Variants in TBC1D9B observed in about 807,000 individuals in gnomAD.
TBC1D9B encodes TBC1 domain family member 9B, also known as TBC1 domain family, member 9B (with GRAM domain).
TBC1D9B carries 87 observed loss-of-function variants against 121.1 expected under a neutral mutation model. The ratio of observed to expected loss-of-function variants is 0.72; its 90% CI spans 0.60 to 0.86. The LOEUF (loss-of-function observed/expected upper bound fraction) is 0.86. Among genes scored for constraint, TBC1D9B ranks in the 40% least tolerant of loss-of-function variants. The probability of loss-of-function intolerance (pLI) is 0.00; values close to 1 mark genes in which losing one functional copy is unlikely to be tolerated. For synonymous variants in TBC1D9B, 668 were observed against 670.1 expected (o/e 1.00, Z 0.05); for missense variants, 1,540 against 1,628.6 (o/e 0.95, Z 0.94).
intron 14 of TBC1D9B, 23 bp downstream of exon 14, chr5:179,872,868 GC>G (rs1582079533): frequency 9.4e-7 from 1 of 1,060,198 alleles, no homozygotes; most frequent in Non-Finnish European, 1.3e-6. Context: ...CCCAGCCCCT[GC>G]CCAGCCCTGC....
In TBC1D9B at chr5:179,902,566, C is replaced by T. The variant is rs1420090569; in HGVS notation, c.229+2136G>A. Reference sequence around the variant, plus strand: ...CAAGTGTGTGGCACGGGGCTACGTACATGGGCTCCGCTGCGTGGCTGTGGC... The same window carrying T: ...CAAGTGTGTGGCACGGGGCTACGTATATGGGCTCCGCTGCGTGGCTGTGGC... On this transcript the variant is annotated intron_variant, in intron 2 of 20. Transcript: ENST00000355235. The surrounding 1 kb of genome is among the most constrained non-coding windows in gnomAD (Gnocchi z 4.9). Among the ~76,000 whole-genome samples, 2 of 152,180 alleles carry T rather than the reference C, an allele frequency of 1.3e-5. No homozygotes were observed. The highest frequency in any genetic ancestry group is 4.8e-5 in the African/African-American group (2 of 41,432).
chr5:179,894,603 T>C lies in TBC1D9B; in HGVS notation c.360A>G (p.Ala120=), dbSNP rs1328224225. 4 of 1,614,178 alleles carry C rather than the reference T, an allele frequency of 2.5e-6. No homozygotes were observed. Among genetic ancestry groups the C allele is most frequent in the Non-Finnish European group, 3.4e-6 (4 of 1,180,014 alleles). ...GGGGCTGCAGGTTCTTGTTCTCTTC[T>C]GCGATGATTCCCTGGAGGAAGGCAA... ...FVKGKIHGII[A]EENKNLQPQG... The change falls in exon 4 of 21, where the codon GCA becomes GCG. Residue 120 remains alanine (A), a synonymous_variant. Coordinates refer to ENST00000355235, the MANE Select transcript of TBC1D9B (RefSeq NM_015043.4).
Position 179,865,995 on chromosome 5 carries a change from A to G in TBC1D9B, c.2864-107T>C. On this transcript the variant is annotated intron_variant, in intron 18 of 20. Coordinates refer to ENST00000355235, the MANE Select transcript of TBC1D9B (RefSeq NM_015043.4). This position sits in a 1 kb window ranked among gnomAD's most constrained non-coding sequence, Gnocchi z 5.1. ...TCTGTGTTTCTGTACAGCCAGCCCC[A>G]GGCCAGGCCCTGGGGAGCAGGTCTC... The G allele has an allele frequency of 1.4e-6, 2 of 1,413,802 alleles. No homozygotes were observed. Among genetic ancestry groups the G allele is most frequent in the Non-Finnish European group, 2.0e-6 (2 of 1,008,432 alleles). The allele number at this position is 1,413,802 out of a possible 1,614,324, so 87.6% of individuals were successfully genotyped here. A position where few individuals can be genotyped will look rare whatever the true frequency, so the allele number is the denominator to read the frequency against.
In TBC1D9B at chr5:179,878,295, G is replaced by A. The variant is rs370418773; in HGVS notation, c.1782+14C>T. 2.5e-6 allele frequency: 4 copies of A among 1,605,744 alleles called. No individual in the cohort carries two copies. The highest frequency in any genetic ancestry group is 1.1e-5 in the South Asian group (1 of 89,694). On this transcript the variant is annotated intron_variant, in intron 10 of 20. Coordinates refer to ENST00000355235, the MANE Select transcript of TBC1D9B (RefSeq NM_015043.4). The stretch of plus-strand genomic sequence containing the variant: ...TGGCAGATGCTGTCTCTGGGCCCCT[G>A]TCAGGCCCCTTACCTGGCAGTAGCC...
chr5:179,877,508 C>T (rs1201431752), intron 10 of TBC1D9B, among the ~76,000 whole-genome samples: 2 of 151,594 alleles, frequency 1.3e-5, no homozygotes, highest in African/African-American at 4.8e-5. Flanking sequence ...ACTAAAAATA[C>T]AAAACATTAA....
chr5:179,873,711 A>C (rs1760270988), intron 12 of TBC1D9B, among the ~76,000 whole-genome samples: 1 of 152,112 alleles, frequency 6.6e-6, no homozygotes, highest in African/African-American at 2.4e-5. Context: ...TTCTCTAGGG[A>C]CACAGTCCTG....
At chr5:179,873,045 C>T in intron 13 of TBC1D9B, 55 bp from the exon 14 acceptor site, 1 of 1,613,610 alleles carries the variant, frequency 6.2e-7, no homozygotes, top group Admixed American at 1.7e-5. Flanking sequence ...AGAGGGCCAC[C>T]ACCTGCCCAT....
In TBC1D9B at chr5:179,888,198, C is replaced by A; in HGVS notation, c.1159G>T (p.Val387Leu). 6.2e-7 allele frequency: 1 copy of A among 1,612,744 alleles called. No homozygotes were observed. The highest frequency in any genetic ancestry group is 8.5e-7 in the Non-Finnish European group (1 of 1,179,608). ...FANLKDRDFL[V>L]QRISDFLQKT... ...TGGAGGAAGTCAGAGATCCTCTGCA[C>A]CAAGAAATCACGGTCTTTCAGGTTG... Residue 387 changes from valine (V) to leucine (L), a missense_variant, in exon 7 of 21, where the codon GTG becomes TTG. Physicochemically the swap from Val to Leu is conservative, Grantham distance 32. Transcript: ENST00000355235.
At position 179,904,679 on chromosome 5, in the gene TBC1D9B, C is replaced by T. The variant is rs756448315; in HGVS notation, c.229+23G>A. 3.2e-6 allele frequency: 5 copies of T among 1,547,990 alleles called. No homozygotes were observed. Among genetic ancestry groups the T allele is most frequent in the Middle Eastern group, 2.0e-4 (1 of 4,886 alleles). On this transcript the variant is annotated intron_variant, in intron 2 of 20. Coordinates refer to ENST00000355235, the MANE Select transcript of TBC1D9B (RefSeq NM_015043.4). This position sits in a 1 kb window ranked among gnomAD's most constrained non-coding sequence, Gnocchi z 4.2. ...TTCCAGGGCAGGCCCTGCCCAGCAC[C>T]CCTCACCACTCAGGGCACCTACCAC...
At chr5:179,895,872 C>T (rs1246412971) in intron 3 of TBC1D9B, among the ~76,000 whole-genome samples, 2 of 152,160 alleles carry the variant, frequency 1.3e-5, no homozygotes, top group Non-Finnish European at 2.9e-5. Flanking sequence ...AAAATATGCC[C>T]TTTTGACATA....
At position 179,865,383 on chromosome 5, in the gene TBC1D9B, T is replaced by C; in HGVS notation, c.2915-23A>G. 6.2e-7 allele frequency: 1 copy of C among 1,608,812 alleles called. No individual in the cohort carries two copies. Among genetic ancestry groups the C allele is most frequent in the Non-Finnish European group, 8.5e-7 (1 of 1,175,358 alleles). ...CCTCTGCAGGTTAGGAGGAAAGAGA[T>C]TAATCTTTGTCATGTGAGACGGCTG... is the stretch of plus-strand genomic sequence containing the variant. On this transcript the variant is annotated intron_variant, in intron 19 of 20. Coordinates refer to ENST00000355235, the MANE Select transcript of TBC1D9B (RefSeq NM_015043.4). This position sits in a 1 kb window ranked among gnomAD's most constrained non-coding sequence, Gnocchi z 5.1.
chr5:179,865,739 G>T lies in TBC1D9B; in HGVS notation c.2914+99C>A. On this transcript the variant is annotated intron_variant, in intron 19 of 20. Transcript: ENST00000355235. The surrounding 1 kb of genome is among the most constrained non-coding windows in gnomAD (Gnocchi z 5.1). ...CGGGGGACGCATCCGCCATCTCCCGGGGTAGGGGGCTCCCTGGCAGTGACT... is the reference window on the plus strand; with the variant it reads ...CGGGGGACGCATCCGCCATCTCCCGTGGTAGGGGGCTCCCTGGCAGTGACT... 1.5e-6 allele frequency: 2 copies of T among 1,365,088 alleles called. No individual in the cohort carries two copies. The highest frequency in any genetic ancestry group is 2.0e-6 in the Non-Finnish European group (2 of 992,448). The allele number at this position is 1,365,088 out of a possible 1,614,324, so 84.6% of individuals were successfully genotyped here. A position where few individuals can be genotyped will look rare whatever the true frequency, so the allele number is the denominator to read the frequency against.
In TBC1D9B at chr5:179,902,395, C is replaced by T. The variant is rs1234693960; in HGVS notation, c.229+2307G>A. ...CCCCCAGGTGTCCTCGAACACCAGGCTCAAGGGTCAGGACTCACTAAGCAG... is the reference window on the plus strand; with the variant it reads ...CCCCCAGGTGTCCTCGAACACCAGGTTCAAGGGTCAGGACTCACTAAGCAG... On this transcript the variant is annotated intron_variant, in intron 2 of 20. Coordinates refer to ENST00000355235, the MANE Select transcript of TBC1D9B (RefSeq NM_015043.4). The surrounding 1 kb of genome is among the most constrained non-coding windows in gnomAD (Gnocchi z 4.9). 6.6e-6 allele frequency among the ~76,000 whole-genome samples: 1 copy of T among 152,162 alleles called. No homozygotes were observed. The highest frequency in any genetic ancestry group is 6.5e-5 in the Admixed American group (1 of 15,280).
At position 179,865,415 on chromosome 5, in the gene TBC1D9B, G is replaced by C; in HGVS notation, c.2915-55C>G. The stretch of plus-strand genomic sequence containing the variant: ...TTGTCATGTGAGACGGCTGCGGGCT[G>C]ACAGCAGGGAGAGGAAGAGTTGGGT... On this transcript the variant is annotated intron_variant, in intron 19 of 20. Transcript: ENST00000355235. The surrounding 1 kb of genome is among the most constrained non-coding windows in gnomAD (Gnocchi z 5.1). 6.6e-7 allele frequency: 1 copy of C among 1,523,198 alleles called. No individual in the cohort carries two copies. Among genetic ancestry groups the C allele is most frequent in the South Asian group, 1.1e-5 (1 of 89,168 alleles). The allele number at this position is 1,523,198 out of a possible 1,614,324, so 94.4% of individuals were successfully genotyped here.
intron 10 of TBC1D9B, among the ~76,000 whole-genome samples, chr5:179,877,274 G>A (rs959518815): frequency 4.6e-5 from 7 of 151,512 alleles, no homozygotes; most frequent in African/African-American, 1.7e-4. Context: ...GCTGAGACCG[G>A]AAGATCCCCT....
In TBC1D9B at chr5:179,863,802, G is replaced by C. The variant is rs145381335; in HGVS notation, c.3348C>G (p.Gly1116=). 1.2e-4 allele frequency: 191 copies of C among 1,613,482 alleles called. No individual in the cohort carries two copies. The highest frequency in any genetic ancestry group is 1.4e-4 in the Non-Finnish European group (167 of 1,179,994). The change falls in exon 21 of 21, where the codon GGC becomes GGG. Residue 1116 remains glycine (G), a synonymous_variant. Coordinates refer to ENST00000355235, the MANE Select transcript of TBC1D9B (RefSeq NM_015043.4). This position sits in a 1 kb window ranked among gnomAD's most constrained non-coding sequence, Gnocchi z 4.5. ...GCTGGGAGGGTGAGCCCTGTCCCTC[G>C]CCGCTGCCCCCCTCCACCACCACCT... ...ESQVVVEGGS[G]EGQGSPSQLL...
intron 2 of TBC1D9B, among the ~76,000 whole-genome samples, chr5:179,900,719 G>A (rs1040803393): frequency 2.7e-4 from 41 of 152,044 alleles, no homozygotes; most frequent in Non-Finnish European, 4.7e-4. Context: ...TTGAGCTCAC[G>A]GCCAGCAGCA....
At chr5:179,867,696 G>A in intron 18 of TBC1D9B, 82 bp downstream of exon 18, 2 of 1,585,250 alleles carry the variant, frequency 1.3e-6, no homozygotes, top group African/African-American at 1.3e-5. Context: ...GGGACTGCTG[G>A]CCACTGCCCG....
Position 179,899,930 on chromosome 5 carries a change from A to T in TBC1D9B, c.230-623T>A, listed in dbSNP as rs560862201. Among the ~76,000 whole-genome samples the T allele has an allele frequency of 1.4e-3, 211 of 152,110 alleles. 2 individuals carry two copies. The highest frequency in any genetic ancestry group is 2.1e-3 in the South Asian group (10 of 4,814). On this transcript the variant is annotated intron_variant, in intron 2 of 20. Coordinates refer to ENST00000355235, the MANE Select transcript of TBC1D9B (RefSeq NM_015043.4). ...GTCCTCCATAGGCCCAACGGAAATT[A>T]AAAAAAATGTAGAGAAAATCTGGGC...
Sources: gnomAD v4.1 joint callset for allele counts (sites outside exome capture counted in the v4.1 genomes callset) on GRCh38, gnomAD v4.1.1 for gene constraint, Gnocchi (gnomAD v3.1) non-coding constraint, MANE v1.5 for transcripts, NCBI Gene and HGNC (gene_info 2026-07-23, HGNC 2026-07-21) for gene names.